Variants in SLC4A10 observed in about 807,000 individuals in gnomAD.
SLC4A10 encodes the protein sodium-driven chloride bicarbonate exchanger.
In SLC4A10, 42 loss-of-function variants were observed where a neutral mutation model predicts 137.7. The ratio of observed to expected loss-of-function variants is 0.30; its 90% CI spans 0.24 to 0.39. SLC4A10 has a LOEUF of 0.39. Ranked by LOEUF, SLC4A10 falls within the 10% of genes least tolerant of loss-of-function variation. SLC4A10 has a pLI of 1.00. For missense variants in SLC4A10, 925 were observed against 1,355.0 expected (o/e 0.68, Z 4.98); for synonymous variants, 474 against 464.1 (o/e 1.02, Z -0.27).
intron 4 of SLC4A10, among the ~76,000 whole-genome samples, chr2:161,848,754 A>G (rs2059645076): frequency 6.6e-6 from 1 of 151,994 alleles, no homozygotes; most frequent in Admixed American, 6.6e-5. Flanking sequence ...CTGTTTTTAT[A>G]CTGATACCAT....
chr2:161,951,594 C>T (rs74685687), intron 19 of SLC4A10, among the ~76,000 whole-genome samples: 4,341 of 152,174 alleles, frequency 0.029, 99 homozygotes, highest in African/African-American at 0.062. Context: ...ACATAACATG[C>T]ACAATCTTGT....
rs1286681741 is a variant in SLC4A10 at position 161,984,311 on chromosome 2, T to A, written c.*1159T>A. The A allele has an allele frequency of 6.6e-6, 1 of 152,180 alleles. No homozygotes were observed. Among genetic ancestry groups the A allele is most frequent in the Non-Finnish European group, 1.5e-5 (1 of 68,008 alleles). The allele number at this position is 152,180 out of a possible 1,614,324, so 9.4% of individuals were successfully genotyped here. A position where few individuals can be genotyped will look rare whatever the true frequency, so the allele number is the denominator to read the frequency against. The stretch of plus-strand genomic sequence containing the variant: ...AGATATTTCAGTCCATATAAAATAA[T>A]ACATCTTTACTAAACTTATATAAGG... On this transcript the variant is annotated 3_prime_UTR_variant, in exon 27 of 27. Transcript: ENST00000446997.
At chr2:161,627,767 G>C (rs772254425) in intron 1 of SLC4A10, among the ~76,000 whole-genome samples, 4 of 152,054 alleles carry the variant, frequency 2.6e-5, no homozygotes, top group Non-Finnish European at 5.9e-5. Context: ...TCTGGTTTTG[G>C]TAACAACTGA....
In SLC4A10 at chr2:161,636,970, G is replaced by A. The variant is rs146136290; in HGVS notation, c.48+12404G>A. On this transcript the variant is annotated intron_variant, in intron 1 of 26. Coordinates refer to ENST00000446997, the MANE Select transcript of SLC4A10 (RefSeq NM_001178015.2). ...AGCCTCAGGCAATCCTCCTGCCTCC[G>A]CCTCCCAAAACCACTGGGATTACAG... Among the ~76,000 whole-genome samples, 889 of 149,540 alleles carry A rather than the reference G, an allele frequency of 5.9e-3. 5 individuals are homozygous for A. The highest frequency in any genetic ancestry group is 0.014 in the Middle Eastern group (4 of 286).
chr2:161,881,272 G>A (rs2125969584), intron 9 of SLC4A10, among the ~76,000 whole-genome samples: 1 of 152,072 alleles, frequency 6.6e-6, no homozygotes, highest in Middle Eastern at 3.4e-3. Context: ...ATAGCAAGAT[G>A]TACATAGGTT....
chr2:161,706,528 T>C (rs1053433670), intron 1 of SLC4A10, among the ~76,000 whole-genome samples: 2 of 151,598 alleles, frequency 1.3e-5, no homozygotes, highest in African/African-American at 4.8e-5. Context: ...CATCCCCTGA[T>C]TGAAATTATT....
chr2:161,725,653 C>T (rs999094811), intron 1 of SLC4A10, among the ~76,000 whole-genome samples: 11 of 152,234 alleles, frequency 7.2e-5, no homozygotes, highest in East Asian at 3.9e-4. Flanking sequence ...TCTTCTCACC[C>T]GGGTGGTGTA....
intron 3 of SLC4A10, among the ~76,000 whole-genome samples, chr2:161,806,886 T>C (rs2056033049): frequency 6.6e-6 from 1 of 152,168 alleles, no homozygotes; most frequent in Admixed American, 6.6e-5. Flanking sequence ...CCCACTCTAC[T>C]GGTATCAATT....
chr2:161,641,150 T>C (rs370123835), intron 1 of SLC4A10, among the ~76,000 whole-genome samples: 8 of 152,198 alleles, frequency 5.3e-5, no homozygotes, highest in African/African-American at 1.9e-4. Context: ...TAACAAGGTA[T>C]TTCAGTGTCT....
chr2:161,813,581 C>A (rs1273787305), intron 3 of SLC4A10, among the ~76,000 whole-genome samples: 1 of 152,084 alleles, frequency 6.6e-6, no homozygotes, highest in African/African-American at 2.4e-5. Flanking sequence ...GCATATTTTT[C>A]TCATTCAAGT....
intron 15 of SLC4A10, among the ~76,000 whole-genome samples, chr2:161,916,990 A>G (rs1687237345): frequency 6.6e-6 from 1 of 152,180 alleles, no homozygotes; most frequent in Admixed American, 6.5e-5. Flanking sequence ...TACCATAATC[A>G]ATGTATAGTA....
intron 1 of SLC4A10, among the ~76,000 whole-genome samples, chr2:161,747,208 G>T (rs747950611): frequency 3.3e-5 from 5 of 152,100 alleles, no homozygotes; most frequent in Non-Finnish European, 7.4e-5. Flanking sequence ...GCCCACAGTG[G>T]TGGGGCTAGC....
intron 21 of SLC4A10, among the ~76,000 whole-genome samples, chr2:161,961,868 A>G (rs2105898017): frequency 6.6e-6 from 1 of 152,286 alleles, no homozygotes; most frequent in African/African-American, 2.4e-5. Context: ...CACAAATGAA[A>G]CATCAATCTG....
chr2:161,974,890 C>A (rs1191744698), intron 24 of SLC4A10, among the ~76,000 whole-genome samples: 5 of 152,138 alleles, frequency 3.3e-5, no homozygotes, highest in Admixed American at 3.3e-4. Context: ...CCAGAATTCT[C>A]CCCTCTCTCT....
At chr2:161,921,083 A>G (rs1688043280) in intron 15 of SLC4A10, among the ~76,000 whole-genome samples, 1 of 152,244 alleles carries the variant, frequency 6.6e-6, no homozygotes, top group Non-Finnish European at 1.5e-5. Context: ...AGGTGTCTGT[A>G]TAATGGCCTA....
intron 1 of SLC4A10, among the ~76,000 whole-genome samples, chr2:161,707,030 A>G (rs2043749024): frequency 6.6e-6 from 1 of 151,596 alleles, no homozygotes; most frequent in Non-Finnish European, 1.5e-5. Context: ...GAAAGAATGA[A>G]TATAGAAAGA....
At chr2:161,954,365 T>A (rs1575823605) in intron 19 of SLC4A10, among the ~76,000 whole-genome samples, 1 of 152,172 alleles carries the variant, frequency 6.6e-6, no homozygotes, top group Non-Finnish European at 1.5e-5. Flanking sequence ...TTTAGTGGGG[T>A]CTGGTGTAGC....
chr2:161,822,914 G>A (rs933456910), intron 3 of SLC4A10, among the ~76,000 whole-genome samples: 2 of 152,148 alleles, frequency 1.3e-5, no homozygotes, highest in Admixed American at 6.5e-5. Flanking sequence ...GGTGGAGGCT[G>A]CAGTGAGCCA....
chr2:161,722,876 C>T (rs1014480723), intron 1 of SLC4A10, among the ~76,000 whole-genome samples: 12 of 152,206 alleles, frequency 7.9e-5, no homozygotes, highest in Admixed American at 6.5e-4. Flanking sequence ...GATGGAGTTG[C>T]TGAAATTCTC....
Sources: allele counts gnomAD v4.1 joint callset (sites outside exome capture counted in the v4.1 genomes callset), GRCh38; gene constraint gnomAD v4.1.1; transcripts MANE v1.5; gene names NCBI Gene and HGNC (gene_info 2026-07-23, HGNC 2026-07-21).